COBLL1: variants seen among roughly 807,000 people sequenced by gnomAD.
COBLL1 encodes cordon-bleu WH2 repeat protein like 1.
COBLL1 carries 50 observed loss-of-function variants against 94.8 expected under a neutral mutation model. That is an observed-to-expected ratio of 0.53 (90% confidence interval 0.42 to 0.67). The LOEUF (loss-of-function observed/expected upper bound fraction) is 0.67. Ranked by LOEUF, COBLL1 falls within the 30% of genes least tolerant of loss-of-function variation. The pLI is 0.00. For missense variants in COBLL1, 1,362 were observed against 1,348.7 expected (o/e 1.01, Z -0.15); for synonymous variants, 448 against 473.8 (o/e 0.95, Z 0.71).
At chr2:164,811,784 A>G (rs1348775648) in intron 2 of COBLL1, among the ~76,000 whole-genome samples, 1 of 152,018 alleles carries the variant, frequency 6.6e-6, no homozygotes, top group Non-Finnish European at 1.5e-5. Flanking sequence ...GAACCTGAGC[A>G]ACAGTCTACA....
At chr2:164,723,294 A>G (rs1685547303) in intron 5 of COBLL1, 1 of 152,214 alleles carries the variant, frequency 6.6e-6, no homozygotes, top group African/African-American at 2.4e-5. Flanking sequence ...TTGTATACAT[A>G]ATATTTATAT....
chr2:164,763,824 A>C (rs946355297), intron 2 of COBLL1, among the ~76,000 whole-genome samples: 1 of 152,254 alleles, frequency 6.6e-6, no homozygotes, highest in Admixed American at 6.5e-5. Flanking sequence ...AGGAATAGGG[A>C]TGAAAGTTAG....
At chr2:164,729,137 T>C (rs1378610410) in intron 4 of COBLL1, among the ~76,000 whole-genome samples, 2 of 151,746 alleles carry the variant, frequency 1.3e-5, no homozygotes, top group East Asian at 3.9e-4. Context: ...AAATCATATA[T>C]TGTAGAAAGC....
Position 164,700,643 on chromosome 2 carries a change from C to A in COBLL1, c.1339G>T (p.Val447Leu), listed in dbSNP as rs1297875518. 2.5e-6 allele frequency: 4 copies of A among 1,613,072 alleles called. 1 individual carries two copies. In the South Asian group the frequency reaches 4.4e-5, roughly 18 times the overall value. The stretch of plus-strand genomic sequence containing the variant: ...AGTGTATTTATTATATCAGTAGATA[C>A]AAAAGGAATATCTTGTGACTTCGGA... ...ISPKSQDIPF[V>L]STDIINTLKN... Residue 447 changes from valine (V) to leucine (L), a missense_variant, in exon 10 of 14, where the codon GTA (valine) becomes TTA (leucine). Val to Leu is a conservative substitution (Grantham distance 32). Coordinates refer to ENST00000652658, the MANE Select transcript of COBLL1 (RefSeq NM_001365672.2).
intron 13 of COBLL1, chr2:164,687,240 G>T (rs1683346116): frequency 7.9e-6 from 3 of 377,456 alleles, no homozygotes; most frequent in Admixed American, 4.4e-5. Context: ...AGAGGAAGTA[G>T]AATTTATTGG....
intron 2 of COBLL1, among the ~76,000 whole-genome samples, chr2:164,808,514 G>T (rs1166238045): frequency 6.6e-6 from 1 of 152,080 alleles, no homozygotes; most frequent in Non-Finnish European, 1.5e-5. Context: ...CTTTGGTTTT[G>T]AAACCAAATA....
In COBLL1 at chr2:164,767,973, A is replaced by G. The variant is rs554356891; in HGVS notation, c.42-24098T>C. Among the ~76,000 whole-genome samples, 4 of 152,304 alleles carry G rather than the reference A, an allele frequency of 2.6e-5. No individual in the cohort carries two copies. The South Asian group carries it at 8.3e-4, about 32-fold the overall frequency. On this transcript the variant is annotated intron_variant, in intron 2 of 13. Coordinates refer to ENST00000652658, the MANE Select transcript of COBLL1 (RefSeq NM_001365672.2). ...ATTACCCTACTGGTCCTAGCCCCAA[A>G]CGGTGCAAAGAACAGACTTTCAGCA...
At chr2:164,708,487 G>A (rs998876266) in intron 7 of COBLL1, among the ~76,000 whole-genome samples, 4 of 152,134 alleles carry the variant, frequency 2.6e-5, no homozygotes, top group Non-Finnish European at 5.9e-5. Context: ...GAATATAAAG[G>A]TTAAATAGAA....
chr2:164,834,936 G>A (rs140985613), intron 2 of COBLL1, among the ~76,000 whole-genome samples: 2 of 152,262 alleles, frequency 1.3e-5, no homozygotes, highest in Admixed American at 6.5e-5. Context: ...AACATGCAAT[G>A]AGATACTACC....
At chr2:164,699,359 C>T in intron 11 of COBLL1, 46 bp downstream of exon 11, 1 of 1,228,182 alleles carries the variant, frequency 8.1e-7, no homozygotes, top group Non-Finnish European at 1.2e-6. Flanking sequence ...GTCCTTGGCA[C>T]ATAATAAAAG....
chr2:164,759,366 GA>G (rs1329871913), intron 2 of COBLL1, among the ~76,000 whole-genome samples: 2 of 151,986 alleles, frequency 1.3e-5, no homozygotes, highest in African/African-American at 4.8e-5. Context: ...ACAGAGTTTA[GA>G]AATACTAAAA....
At chr2:164,800,668 G>A (rs1683726091) in intron 2 of COBLL1, 1 of 654,388 alleles carries the variant, frequency 1.5e-6, no homozygotes, top group Non-Finnish European at 2.7e-6. Flanking sequence ...TATTCAATGG[G>A]TGAATGGATA....
rs1422718683 is a variant in COBLL1, at chr2:164,832,531, A to G, written c.41+8625T>C. ...AGCCATATTTTGAACCCAAACTACT[A>G]TATAACTCAGCTTCTTATTCAACCA... On this transcript the variant is annotated intron_variant, in intron 2 of 13. Transcript: ENST00000652658. Among the ~76,000 whole-genome samples, 6 of 152,304 alleles carry G rather than the reference A, an allele frequency of 3.9e-5. No individual in the cohort carries two copies. The South Asian group carries it at 8.3e-4, about 21-fold the overall frequency.
At chr2:164,677,042 C>G (rs1400815707), downstream of COBLL1, among the ~76,000 whole-genome samples, 1 of 152,146 alleles carries the variant, frequency 6.6e-6, no homozygotes, top group Non-Finnish European at 1.5e-5. Flanking sequence ...TTCTCCCTCT[C>G]ACAGGTAACC....
chr2:164,674,708 G>A (rs1278044632), intron 1 of COBLL1, among the ~76,000 whole-genome samples: 2 of 152,056 alleles, frequency 1.3e-5, no homozygotes, highest in African/African-American at 4.8e-5. Flanking sequence ...GGAAAAATTG[G>A]GTAAACAGCT....
chr2:164,822,734 A>AT (rs1444625067), intron 2 of COBLL1, among the ~76,000 whole-genome samples: 70 of 139,480 alleles, frequency 5.0e-4, no homozygotes, highest in African/African-American at 1.3e-3. Context: ...AGATTATATT[A>AT]TATTATTATT....
At chr2:164,719,930 G>T (rs1048151410) in intron 7 of COBLL1, among the ~76,000 whole-genome samples, 5 of 150,794 alleles carry the variant, frequency 3.3e-5, no homozygotes, top group African/African-American at 1.2e-4. Context: ...AAGAAACAGT[G>T]ACAAGAAAAA....
intron 9 of COBLL1, among the ~76,000 whole-genome samples, chr2:164,702,560 A>C (rs1277274264): frequency 6.8e-5 from 7 of 102,614 alleles, no homozygotes; most frequent in African/African-American, 2.9e-4. Flanking sequence ...AGACTCCTCA[A>C]AAAAAAAAAA....
intron 2 of COBLL1, among the ~76,000 whole-genome samples, chr2:164,780,771 C>A (rs561611795): frequency 6.6e-6 from 1 of 152,198 alleles, no homozygotes; most frequent in South Asian, 2.1e-4. Flanking sequence ...GAGTATCTGC[C>A]GGGCTAAGTG....
Sources: gnomAD v4.1 joint callset for allele counts (sites outside exome capture counted in the v4.1 genomes callset) on GRCh38, gnomAD v4.1.1 for gene constraint, MANE v1.5 for transcripts, NCBI Gene and HGNC (gene_info 2026-07-23, HGNC 2026-07-21) for gene names.